The following SCFD2 variants were observed in gnomAD, a reference collection of about 807,000 sequenced individuals.
SCFD2 encodes the protein sec1 family domain containing 2.
SCFD2 carries 54 observed loss-of-function variants against 58.9 expected under a neutral mutation model. The observed-to-expected ratio is 0.92, with a 90% CI of 0.74 to 1.15. The LOEUF (loss-of-function observed/expected upper bound fraction) is 1.15. Among genes scored for constraint, SCFD2 ranks in the 50% most tolerant of loss-of-function variants. The pLI, the probability that SCFD2 is intolerant of heterozygous loss-of-function variation, is 0.00. For synonymous variants in SCFD2, 321 were observed against 335.9 expected (o/e 0.96, Z 0.49); for missense variants, 805 against 836.6 (o/e 0.96, Z 0.47).
chr4:52,927,878 T>G (rs1225753491), intron 5 of SCFD2, among the ~76,000 whole-genome samples: 1 of 152,192 alleles, frequency 6.6e-6, no homozygotes, highest in Non-Finnish European at 1.5e-5. Context: ...AAATTATATC[T>G]ATTATATATA....
intron 5 of SCFD2, among the ~76,000 whole-genome samples, chr4:53,076,296 A>G (rs1206050258): frequency 6.6e-6 from 1 of 152,146 alleles, no homozygotes; most frequent in African/African-American, 2.4e-5. Flanking sequence ...AAAAAATTCC[A>G]ATTTTATAAA....
At chr4:53,145,264 A>G (rs1726290480) in intron 5 of SCFD2, 69 bp downstream of exon 5, 3 of 1,559,002 alleles carry the variant, frequency 1.9e-6, no homozygotes, top group Non-Finnish European at 8.7e-7. Flanking sequence ...TTCCCAAAAC[A>G]GTATTTATTT....
At position 53,274,015 on chromosome 4, in the gene SCFD2, A is replaced by T. The variant is rs764897674; in HGVS notation, c.1136-14T>A. The T allele has an allele frequency of 1.9e-6, 3 of 1,602,142 alleles. No individual in the cohort carries two copies. The East Asian group carries it at 6.7e-5, about 36-fold the overall frequency. The stretch of plus-strand genomic sequence containing the variant: ...GTGTGACTCTCCCTGGAAACATAAG[A>T]ATTTATCAGTGTACCCCCTTCTGGG... On this transcript the variant is annotated splice_polypyrimidine_tract_variant and intron_variant, in intron 3 of 8. Transcript: ENST00000401642.
chr4:52,883,395 G>A (rs79156610), intron 8 of SCFD2, among the ~76,000 whole-genome samples: 4,717 of 152,298 alleles, frequency 0.031, 235 homozygotes, highest in East Asian at 0.27. Flanking sequence ...TGCTGCCTGA[G>A]GAATCTTCCT....
chr4:53,093,376 T>C (rs567973067), intron 5 of SCFD2, among the ~76,000 whole-genome samples: 50 of 152,238 alleles, frequency 3.3e-4, no homozygotes, highest in African/African-American at 1.2e-3. Context: ...AGTATTGATG[T>C]GAGAGTAAAT....
chr4:53,077,709 AT>A (rs1724019579), intron 5 of SCFD2, among the ~76,000 whole-genome samples: 1 of 152,154 alleles, frequency 6.6e-6, no homozygotes, highest in Non-Finnish European at 1.5e-5. Flanking sequence ...AAGTGCTAGG[AT>A]TACAGGCATG....
intron 4 of SCFD2, among the ~76,000 whole-genome samples, chr4:53,199,097 T>G (rs150076782): frequency 6.6e-6 from 1 of 152,028 alleles, no homozygotes; most frequent in Admixed American, 6.6e-5. Flanking sequence ...ACTTAACTAG[T>G]TTGAGGGGCC....
intron 5 of SCFD2, among the ~76,000 whole-genome samples, chr4:53,113,535 C>T (rs745516479): frequency 6.6e-6 from 1 of 152,074 alleles, no homozygotes; most frequent in South Asian, 2.1e-4. Context: ...AATAATCTGT[C>T]TTATCCTGAC....
At chr4:53,324,744 TATTGGCTGGGAGC>T (rs764093251) in intron 2 of SCFD2, among the ~76,000 whole-genome samples, 10 of 151,978 alleles carry the variant, frequency 6.6e-5, no homozygotes, top group Non-Finnish European at 1.3e-4. Context: ...GGCAGGGGAA[TATTGGCTGGGAGC>T]ATAAGAGCCC....
chr4:53,083,494 GA>G (rs1156831197), intron 5 of SCFD2, among the ~76,000 whole-genome samples: 1 of 152,036 alleles, frequency 6.6e-6, no homozygotes, highest in African/African-American at 2.4e-5. Flanking sequence ...AATCACACAT[GA>G]AAAAAGGAAA....
rs1368406722 is a variant in SCFD2, at chr4:53,330,597, G to A, written c.1008-16834C>T. 2.6e-4 allele frequency among the ~76,000 whole-genome samples: 39 copies of A among 151,984 alleles called. 1 individual carries two copies. Among genetic ancestry groups the A allele is most frequent in the East Asian group, 9.7e-4 (5 of 5,172 alleles). On this transcript the variant is annotated intron_variant, in intron 2 of 8. Coordinates refer to ENST00000401642, the MANE Select transcript of SCFD2 (RefSeq NM_152540.4). Reference sequence around the variant, plus strand: ...CTTTACAAGAGCTCCTGAAGGAAGCGCTAAACATGGAAAGGAACAACCAGT... The same window carrying A: ...CTTTACAAGAGCTCCTGAAGGAAGCACTAAACATGGAAAGGAACAACCAGT...
intron 4 of SCFD2, among the ~76,000 whole-genome samples, chr4:53,253,366 T>C (rs908473738): frequency 2.6e-5 from 4 of 152,112 alleles, no homozygotes. Context: ...AAATACCATT[T>C]GACCCAGCCA....
intron 3 of SCFD2, among the ~76,000 whole-genome samples, chr4:53,278,367 A>AG (rs1341402135): frequency 7.4e-5 from 11 of 148,880 alleles, no homozygotes; most frequent in African/African-American, 2.7e-4. Flanking sequence ...TTAAAAAAAA[A>AG]AAAAAAGAAA....
chr4:53,213,006 G>A (rs913442194), intron 4 of SCFD2, among the ~76,000 whole-genome samples: 1 of 152,010 alleles, frequency 6.6e-6, no homozygotes, highest in African/African-American at 2.4e-5. Context: ...TACGAATAAG[G>A]CTGTTCTAGA....
rs540932632 is a variant in SCFD2 at position 53,151,583 on chromosome 4, C to T, written c.1312-6001G>A. Among the ~76,000 whole-genome samples, 11 of 152,308 alleles carry T rather than the reference C, an allele frequency of 7.2e-5. No individual in the cohort carries two copies. The East Asian group carries it at 7.7e-4, about 11-fold the overall frequency. On this transcript the variant is annotated intron_variant, in intron 4 of 8. Coordinates refer to ENST00000401642, the MANE Select transcript of SCFD2 (RefSeq NM_152540.4). The stretch of plus-strand genomic sequence containing the variant: ...TGAGGAGCAAACAGGCTTTATTCCA[C>T]GTGGCTGCAGAGCAGGCCAGGCTGG...
At chr4:52,995,694 GAC>G (rs1361165773) in intron 5 of SCFD2, among the ~76,000 whole-genome samples, 1 of 152,190 alleles carries the variant, frequency 6.6e-6, no homozygotes, top group African/African-American at 2.4e-5. Context: ...AACCTTTCCT[GAC>G]ACCATCACAA....
intron 4 of SCFD2, among the ~76,000 whole-genome samples, chr4:53,234,168 C>T (rs770054901): frequency 4.0e-5 from 6 of 151,884 alleles, no homozygotes; most frequent in Non-Finnish European, 8.8e-5. Flanking sequence ...AAATTGTATG[C>T]ACATCCAAAA....
At chr4:52,879,654 AG>A (rs1252912943) in intron 8 of SCFD2, among the ~76,000 whole-genome samples, 1 of 152,214 alleles carries the variant, frequency 6.6e-6, no homozygotes, top group East Asian at 1.9e-4. Flanking sequence ...CTTTGTTCTC[AG>A]GCCTGCCCTG....
intron 5 of SCFD2, among the ~76,000 whole-genome samples, chr4:53,046,507 G>A (rs1332673141): frequency 2.6e-5 from 4 of 151,902 alleles, no homozygotes; most frequent in Admixed American, 6.6e-5. Context: ...GAGCCACTGC[G>A]CCTGACCTAT....
Sources: gnomAD v4.1 joint callset for allele counts (sites outside exome capture counted in the v4.1 genomes callset) on GRCh38, gnomAD v4.1.1 for gene constraint, MANE v1.5 for transcripts, NCBI Gene and HGNC (gene_info 2026-07-23, HGNC 2026-07-21) for gene names.